ACOT7: variants seen among roughly 807,000 people sequenced by gnomAD.
The protein encoded by ACOT7 is cytosolic acyl coenzyme A thioester hydrolase.
ACOT7 carries 12 observed loss-of-function variants against 40.2 expected under a neutral mutation model. That is an observed-to-expected ratio of 0.30 (90% CI 0.19 to 0.48). ACOT7 has a LOEUF of 0.48. Among genes scored for constraint, ACOT7 ranks in the 20% least tolerant of loss-of-function variants. The pLI is 0.99. For missense variants in ACOT7, 395 were observed against 530.8 expected (o/e 0.74, Z 2.51); for synonymous variants, 228 against 219.5 (o/e 1.04, Z -0.34).
rs143760311 is a variant in ACOT7, at chr1:6,291,182, C to T, written c.829+3682G>A. 1.2e-4 allele frequency among the ~76,000 whole-genome samples: 18 copies of T among 152,196 alleles called. No individual in the cohort carries two copies. The East Asian group carries it at 3.5e-3, about 29-fold the overall frequency. On this transcript the variant is annotated intron_variant, in intron 7 of 8. Coordinates refer to ENST00000361521, the MANE Select transcript of ACOT7 (RefSeq NM_007274.4). ...ATCTACTCACAACTTCAGAGTGGGGCCTTATTGGAATAAAGGTCTTAGCAG... is the reference window on the plus strand; with the variant it reads ...ATCTACTCACAACTTCAGAGTGGGGTCTTATTGGAATAAAGGTCTTAGCAG...
intron 1 of ACOT7, chr1:6,360,556 A>G: frequency 6.2e-7 from 1 of 1,613,990 alleles, no homozygotes; most frequent in Non-Finnish European, 8.5e-7. Context: ...AGTTCCTCTC[A>G]GCTCCCAACT....
rs1641704593 is a variant in ACOT7 at position 6,355,051 on chromosome 1, C to T, written c.144-5185G>A. On this transcript the variant is annotated intron_variant, in intron 1 of 8. Coordinates refer to ENST00000361521, the MANE Select transcript of ACOT7 (RefSeq NM_007274.4). This position sits in a 1 kb window ranked among gnomAD's most constrained non-coding sequence, Gnocchi z 5.0. ...GGGATTGGGAACTTTTCCGCCTCAA[C>T]TCTCACTGCCCTGCGGGGCTCCGAC... Among the ~76,000 whole-genome samples, 2 of 152,114 alleles carry T rather than the reference C, an allele frequency of 1.3e-5. No homozygotes were observed. The highest frequency in any genetic ancestry group is 2.1e-4 in the South Asian group (1 of 4,824).
chr1:6,302,786 A>G (rs894366349), intron 6 of ACOT7, among the ~76,000 whole-genome samples: 1 of 151,976 alleles, frequency 6.6e-6, no homozygotes, highest in Non-Finnish European at 1.5e-5. Context: ...GAGAGAGAGC[A>G]ATGAGGTCAG....
At chr1:6,353,445 C>A (rs113812665) in intron 1 of ACOT7, among the ~76,000 whole-genome samples, 12,112 of 152,186 alleles carry the variant, frequency 0.08, 538 homozygotes, top group Non-Finnish European at 0.097. Flanking sequence ...ACTTGCCTGG[C>A]CAAAATGGCA....
chr1:6,378,124 C>A (rs949806622), intron 1 of ACOT7, among the ~76,000 whole-genome samples: 25 of 147,290 alleles, frequency 1.7e-4, no homozygotes, highest in African/African-American at 6.1e-4. Context: ...GCCAAAGCAT[C>A]CACTCGCTAC....
intron 1 of ACOT7, among the ~76,000 whole-genome samples, chr1:6,377,120 T>C (rs1642247625): frequency 6.6e-6 from 1 of 152,302 alleles, no homozygotes. Flanking sequence ...GGAGCCCTCA[T>C]TCACTGTTGG....
Position 6,380,251 on chromosome 1 carries a change from C to T in ACOT7, c.143+13006G>A, listed in dbSNP as rs891618159. On this transcript the variant is annotated intron_variant, in intron 1 of 8. Coordinates refer to ENST00000361521, the MANE Select transcript of ACOT7 (RefSeq NM_007274.4). ...ATATAAGAATCAATAGAACAGAGAG[C>T]CCAGAAATAAACTCAAATGATATAT... Among the ~76,000 whole-genome samples the T allele has an allele frequency of 2.6e-5, 4 of 151,394 alleles. No individual in the cohort carries two copies. The East Asian group carries it at 7.7e-4, about 29-fold the overall frequency.
intron 1 of ACOT7, among the ~76,000 whole-genome samples, chr1:6,351,807 C>T (rs1290219830): frequency 5.9e-5 from 9 of 152,232 alleles, no homozygotes; most frequent in Admixed American, 3.9e-4. Flanking sequence ...GGAGAGAAGA[C>T]GCGGGCCAAG....
At chr1:6,369,904 C>G (rs535267539) in intron 1 of ACOT7, among the ~76,000 whole-genome samples, 1 of 152,284 alleles carries the variant, frequency 6.6e-6, no homozygotes, top group Admixed American at 6.5e-5. Flanking sequence ...GTCAAGATTA[C>G]TCCTTGATCC....
chr1:6,385,536 G>T, intron 1 of ACOT7: 1 of 1,612,236 alleles, frequency 6.2e-7, no homozygotes, highest in Non-Finnish European at 8.5e-7. Context: ...ATCAGCCCTG[G>T]GCCCAACCAC....
chr1:6,278,165 G>A lies in ACOT7; in HGVS notation c.1014+2937C>T, dbSNP rs932135086. 1.3e-5 allele frequency among the ~76,000 whole-genome samples: 2 copies of A among 152,142 alleles called. No individual in the cohort carries two copies. Among genetic ancestry groups the A allele is most frequent in the Non-Finnish European group, 1.5e-5 (1 of 68,018 alleles). On this transcript the variant is annotated intron_variant, in intron 8 of 8. Coordinates refer to ENST00000361521, the MANE Select transcript of ACOT7 (RefSeq NM_007274.4). This position sits in a 1 kb window ranked among gnomAD's most constrained non-coding sequence, Gnocchi z 4.1. ...GTGGGTGCCCTTCTAAGGAAAAAAC[G>A]TCTGAGAAGTGCTGTAGCTCCAGGA...
At position 6,363,852 on chromosome 1, in the gene ACOT7, T is replaced by A. The variant is rs140027996; in HGVS notation, c.144-13986A>T. ...CTTTTATCTCTTTGTCTTGTGTCTT[T>A]ATTTCTACAATCTCTCATCTCCCCA... On this transcript the variant is annotated intron_variant, in intron 1 of 8. Coordinates refer to ENST00000361521, the MANE Select transcript of ACOT7 (RefSeq NM_007274.4). Among the ~76,000 whole-genome samples, 1,474 of 152,282 alleles carry A rather than the reference T, an allele frequency of 9.7e-3. 23 individuals carry two copies. The highest frequency in any genetic ancestry group is 0.034 in the African/African-American group (1,392 of 41,550).
rs1639964113 is a variant in ACOT7, at chr1:6,301,116, C to T, written c.713-6136G>A. The stretch of plus-strand genomic sequence containing the variant: ...ACAGACCCAGAGTGTCCAGTGCTGG[C>T]CACCAGCTGGTGTCATCAACTCAGG... On this transcript the variant is annotated intron_variant, in intron 6 of 8. Coordinates refer to ENST00000361521, the MANE Select transcript of ACOT7 (RefSeq NM_007274.4). The surrounding 1 kb of genome is among the most constrained non-coding windows in gnomAD (Gnocchi z 4.1). Among the ~76,000 whole-genome samples the T allele has an allele frequency of 6.6e-6, 1 of 152,182 alleles. No individual in the cohort carries two copies. Among genetic ancestry groups the T allele is most frequent in the Non-Finnish European group, 1.5e-5 (1 of 68,036 alleles).
intron 5 of ACOT7, among the ~76,000 whole-genome samples, chr1:6,322,230 C>T (rs565438836): frequency 1.6e-5 from 2 of 126,320 alleles, no homozygotes; most frequent in African/African-American, 3.0e-5. Context: ...GACCTCTTGA[C>T]GCATATTCAG....
chr1:6,360,549 TC>T, intron 1 of ACOT7: 1 of 1,613,822 alleles, frequency 6.2e-7, no homozygotes, highest in Non-Finnish European at 8.5e-7. Flanking sequence ...AGCCCATAGT[TC>T]CTCTCAGCTC....
rs972512919 is a variant in ACOT7, at chr1:6,306,050, G to A, written c.713-11070C>T. Among the ~76,000 whole-genome samples the A allele has an allele frequency of 4.6e-5, 7 of 152,006 alleles. No individual in the cohort carries two copies. Among genetic ancestry groups the A allele is most frequent in the South Asian group, 2.1e-4 (1 of 4,818 alleles). On this transcript the variant is annotated intron_variant, in intron 6 of 8. Coordinates refer to ENST00000361521, the MANE Select transcript of ACOT7 (RefSeq NM_007274.4). The surrounding 1 kb of genome is among the most constrained non-coding windows in gnomAD (Gnocchi z 4.3). ...AAAAAAATACGAAAACCAGTCAGGC[G>A]TGGCGGCGCGCGCCTGCAATCGCAG...
In ACOT7 at chr1:6,274,316, C is replaced by A. The variant is rs1238685792; in HGVS notation, c.1014+6786G>T. Among the ~76,000 whole-genome samples the A allele has an allele frequency of 6.6e-6, 1 of 152,240 alleles. No homozygotes were observed. Among genetic ancestry groups the A allele is most frequent in the African/African-American group, 2.4e-5 (1 of 41,466 alleles). ...CAGCCTGCTCTGTCTGCAGCCCCCA[C>A]ATCAGTGCGTCACAAAGCTGTGGCC... is the stretch of plus-strand genomic sequence containing the variant. On this transcript the variant is annotated intron_variant, in intron 8 of 8. Transcript: ENST00000361521. This position sits in a 1 kb window ranked among gnomAD's most constrained non-coding sequence, Gnocchi z 5.9.
rs1016693437 is a variant in ACOT7, at chr1:6,289,209, C to T, written c.829+5655G>A. ...CTGCCTCTCAGGTTCAAGCGATTCT[C>T]CTACCTCAGCCCCCCGAGTAGCTGG... On this transcript the variant is annotated intron_variant, in intron 7 of 8. Transcript: ENST00000361521. The surrounding 1 kb of genome is among the most constrained non-coding windows in gnomAD (Gnocchi z 4.6). Among the ~76,000 whole-genome samples, 1 of 152,174 alleles carries T rather than the reference C, an allele frequency of 6.6e-6. No homozygotes were observed. The highest frequency in any genetic ancestry group is 1.5e-5 in the Non-Finnish European group (1 of 68,042).
intron 6 of ACOT7, among the ~76,000 whole-genome samples, chr1:6,308,805 G>A (rs1640247133): frequency 6.6e-6 from 1 of 151,960 alleles, no homozygotes; most frequent in Non-Finnish European, 1.5e-5. Context: ...AAAAGCGACT[G>A]GGCGGAGGGA....
Sources: allele counts gnomAD v4.1 joint callset (sites outside exome capture counted in the v4.1 genomes callset), GRCh38; gene constraint gnomAD v4.1.1; non-coding constraint Gnocchi (gnomAD v3.1); transcripts MANE v1.5; gene names NCBI Gene and HGNC (gene_info 2026-07-23, HGNC 2026-07-21).